Variants in CNTN5 observed in about 807,000 individuals in gnomAD.
CNTN5 encodes contactin 5.
In CNTN5, 77 loss-of-function variants were observed where a neutral mutation model predicts 129.1. The observed-to-expected ratio is 0.60, with a 90% CI of 0.50 to 0.72. The LOEUF is 0.72. Among genes scored for constraint, CNTN5 ranks in the 30% least tolerant of loss-of-function variants. The probability of loss-of-function intolerance (pLI) is 0.00; values close to 1 mark genes in which losing one functional copy is unlikely to be tolerated. For missense variants in CNTN5, 1,478 were observed against 1,328.8 expected (o/e 1.11, Z -1.75); for synonymous variants, 509 against 465.6 (o/e 1.09, Z -1.20).
chr11:99,554,440 T>C (rs1428060481), intron 2 of CNTN5, among the ~76,000 whole-genome samples: 1 of 152,116 alleles, frequency 6.6e-6, no homozygotes, highest in Non-Finnish European at 1.5e-5. Context: ...TCTCAACCCA[T>C]GTATGTGTGT....
chr11:99,723,577 G>A (rs1943242380), intron 3 of CNTN5, among the ~76,000 whole-genome samples: 1 of 152,030 alleles, frequency 6.6e-6, no homozygotes, highest in African/African-American at 2.4e-5. Context: ...TTTCTCCAAA[G>A]CATTTACTGC....
intron 13 of CNTN5, among the ~76,000 whole-genome samples, chr11:100,075,204 A>G (rs1215301428): frequency 1.3e-5 from 2 of 152,182 alleles, no homozygotes; most frequent in Non-Finnish European, 2.9e-5. Flanking sequence ...TTTTAAAAAT[A>G]GAGTATTTTT....
intron 1 of CNTN5, among the ~76,000 whole-genome samples, chr11:99,202,392 A>G (rs1012939565): frequency 3.3e-5 from 5 of 152,214 alleles, no homozygotes; most frequent in Non-Finnish European, 5.9e-5. Context: ...ACTGGGCAGT[A>G]GTAGCTAAGA....
At chr11:100,157,727 A>T (rs1013913463) in intron 13 of CNTN5, among the ~76,000 whole-genome samples, 4 of 151,882 alleles carry the variant, frequency 2.6e-5, no homozygotes, top group Non-Finnish European at 5.9e-5. Context: ...GAATTTAAAT[A>T]AAATACTGAC....
chr11:99,071,724 T>C (rs1441710325), intron 1 of CNTN5, among the ~76,000 whole-genome samples: 1 of 152,154 alleles, frequency 6.6e-6, no homozygotes, highest in Non-Finnish European at 1.5e-5. Context: ...ATTTGCTTTA[T>C]TTATGAACAA....
intron 17 of CNTN5, among the ~76,000 whole-genome samples, chr11:100,267,280 C>CACACACACACACACAGAG (rs371454644): frequency 6.7e-6 from 1 of 148,478 alleles, no homozygotes; most frequent in South Asian, 2.2e-4. Context: ...CACACACACA[C>CACACACACACACACAGAG]AGAGAGAGAG....
At chr11:100,158,534 A>C (rs1284114468) in intron 13 of CNTN5, among the ~76,000 whole-genome samples, 1 of 151,876 alleles carries the variant, frequency 6.6e-6, no homozygotes, top group Non-Finnish European at 1.5e-5. Flanking sequence ...AAGTAGAAAA[A>C]TTGGCAAATA....
chr11:99,254,787 G>A (rs1463621430), intron 1 of CNTN5, among the ~76,000 whole-genome samples: 1 of 151,668 alleles, frequency 6.6e-6, no homozygotes, highest in African/African-American at 2.4e-5. Context: ...GAATATTATT[G>A]ACATCATAAA....
At position 99,911,082 on chromosome 11, in the gene CNTN5, T is replaced by A. The variant is rs112156259; in HGVS notation, c.578-4972T>A. The stretch of plus-strand genomic sequence containing the variant: ...GTTCCTTAATCTTTCATATAATATA[T>A]ATGACACTCAAATGTAATTAATGAA... On this transcript the variant is annotated intron_variant, in intron 6 of 24. Coordinates refer to ENST00000524871, the MANE Select transcript of CNTN5 (RefSeq NM_014361.4). 7.7e-3 allele frequency among the ~76,000 whole-genome samples: 1,168 copies of A among 152,222 alleles called. 16 individuals carry two copies. Among genetic ancestry groups the A allele is most frequent in the African/African-American group, 0.027 (1,112 of 41,572 alleles).
At chr11:99,943,390 T>C (rs1452786158) in intron 7 of CNTN5, among the ~76,000 whole-genome samples, 2 of 152,284 alleles carry the variant, frequency 1.3e-5, no homozygotes, top group African/African-American at 2.4e-5. Flanking sequence ...GTTGTGTTTT[T>C]TCTTGTAAAT....
At chr11:99,211,653 T>C (rs1859797048) in intron 1 of CNTN5, among the ~76,000 whole-genome samples, 1 of 152,028 alleles carries the variant, frequency 6.6e-6, no homozygotes, top group African/African-American at 2.4e-5. Flanking sequence ...TATTTTTTCA[T>C]ACTTTATCAA....
chr11:100,263,194 A>AT (rs1211255435), intron 17 of CNTN5, among the ~76,000 whole-genome samples: 4 of 152,166 alleles, frequency 2.6e-5, no homozygotes, highest in African/African-American at 9.7e-5. Context: ...ACAGAAGAGA[A>AT]TCTTTAGAAG....
chr11:99,651,071 T>C (rs1952137342), intron 3 of CNTN5, among the ~76,000 whole-genome samples: 1 of 151,926 alleles, frequency 6.6e-6, no homozygotes, highest in Admixed American at 6.6e-5. Context: ...ATTTGTTATT[T>C]AACATGCACA....
chr11:99,573,712 C>A (rs568209329), intron 3 of CNTN5, among the ~76,000 whole-genome samples: 2 of 152,134 alleles, frequency 1.3e-5, no homozygotes, highest in Admixed American at 1.3e-4. Flanking sequence ...TCACTGCAAC[C>A]TCTGCCTCCT....
intron 2 of CNTN5, among the ~76,000 whole-genome samples, chr11:99,414,684 G>T (rs1407483846): frequency 2.0e-5 from 3 of 152,020 alleles, no homozygotes; most frequent in African/African-American, 7.2e-5. Context: ...CCTGAATTAT[G>T]GGAGAGACTA....
At chr11:99,881,519 T>G (rs1372086894) in intron 6 of CNTN5, among the ~76,000 whole-genome samples, 1 of 152,200 alleles carries the variant, frequency 6.6e-6, no homozygotes, top group Non-Finnish European at 1.5e-5. Context: ...TATTATGAAT[T>G]ACAGCATCAT....
chr11:99,196,396 A>C (rs1858903759), intron 1 of CNTN5, among the ~76,000 whole-genome samples: 1 of 151,854 alleles, frequency 6.6e-6, no homozygotes, highest in African/African-American at 2.4e-5. Flanking sequence ...TATATCCAAC[A>C]TTGGTGTGTT....
intron 1 of CNTN5, among the ~76,000 whole-genome samples, chr11:99,254,223 C>T (rs1862263006): frequency 6.6e-6 from 1 of 151,624 alleles, no homozygotes; most frequent in South Asian, 2.1e-4. Context: ...GAGAGATGAA[C>T]AGGTATGGAT....
At chr11:99,805,650 A>G (rs1484580461) in intron 3 of CNTN5, among the ~76,000 whole-genome samples, 1 of 152,196 alleles carries the variant, frequency 6.6e-6, no homozygotes, top group East Asian at 1.9e-4. Flanking sequence ...AATATGATAT[A>G]ATTAAACATT....
Sources: gnomAD v4.1 joint callset for allele counts (sites outside exome capture counted in the v4.1 genomes callset) on GRCh38, gnomAD v4.1.1 for gene constraint, MANE v1.5 for transcripts, NCBI Gene and HGNC (gene_info 2026-07-23, HGNC 2026-07-21) for gene names.